KCNJ15: variants seen among roughly 807,000 people sequenced by gnomAD.
KCNJ15 encodes ATP-sensitive inward rectifier potassium channel 15.
In KCNJ15, 14 loss-of-function variants were observed where a neutral mutation model predicts 23.0. The observed-to-expected ratio is 0.61, with a 90% confidence interval of 0.40 to 0.95. KCNJ15 has a LOEUF of 0.95. Ranked by LOEUF, KCNJ15 falls within the 40% of genes least tolerant of loss-of-function variation. The pLI is 0.00. For missense variants in KCNJ15, 388 were observed against 461.8 expected, an observed-to-expected ratio of 0.84 and a Z score of 1.46; for synonymous variants, 185 against 183.2, an observed-to-expected ratio of 1.01 and a Z score of -0.08.
At chr21:38,284,422 G>A (rs959236829) in intron 1 of KCNJ15, among the ~76,000 whole-genome samples, 5 of 152,068 alleles carry the variant, frequency 3.3e-5, no homozygotes, top group Admixed American at 1.3e-4. Context: ...TGTTGGAGAC[G>A]CCTGTTGACT....
rs2146360801 is a variant in KCNJ15, at chr21:38,303,525, C to A, written c.*3136C>A. 6.6e-6 allele frequency: 1 copy of A among 152,092 alleles called. No homozygotes were observed. The highest frequency in any genetic ancestry group is 2.0e-4 in the East Asian group (1 of 5,118). The allele number at this position is 152,092 out of a possible 1,614,324, so 9.4% of individuals were successfully genotyped here. On this transcript the variant is annotated 3_prime_UTR_variant, in exon 3 of 3. Transcript: ENST00000398938. Reference sequence around the variant, plus strand: ...GACAGCAAAGCACTGAGTCACCCAACCCCACTCCTTTGGGATGGGGTTGGG... The same window carrying A: ...GACAGCAAAGCACTGAGTCACCCAAACCCACTCCTTTGGGATGGGGTTGGG...
At chr21:38,234,847 C>G (rs2186344) in intron 1 of KCNJ15, among the ~76,000 whole-genome samples, 2 of 151,942 alleles carry the variant, frequency 1.3e-5, no homozygotes, top group Non-Finnish European at 2.9e-5. Flanking sequence ...TTCAGCATCC[C>G]GAGTCAGACA....
chr21:38,274,548 G>T (rs907858226), intron 1 of KCNJ15, among the ~76,000 whole-genome samples: 4 of 152,180 alleles, frequency 2.6e-5, no homozygotes, highest in African/African-American at 9.7e-5. Flanking sequence ...CCTGTGTCTA[G>T]TATAGTCAAA....
chr21:38,303,715 A>T lies in KCNJ15; in HGVS notation c.*3326A>T, dbSNP rs557879407. The T allele has an allele frequency of 2.0e-5, 3 of 152,332 alleles. No homozygotes were observed. Among genetic ancestry groups the T allele is most frequent in the African/African-American group, 7.2e-5 (3 of 41,570 alleles). The allele number at this position is 152,332 out of a possible 1,614,324, so 9.4% of individuals were successfully genotyped here. On this transcript the variant is annotated 3_prime_UTR_variant, in exon 3 of 3. Transcript: ENST00000398938. ...TTTGTTGGATTTTTATTTGAATTAA[A>T]TTTCCCAATTTTTAATAGACTGTGA...
At chr21:38,280,964 C>T (rs2836280) in intron 1 of KCNJ15, among the ~76,000 whole-genome samples, 100,062 of 152,056 alleles carry the variant, frequency 0.66, 33,644 homozygotes, top group Non-Finnish European at 0.73. Context: ...GGTTCAGTAC[C>T]GTGTTGTCCA....
chr21:38,238,527 C>A, intron 1 of KCNJ15: 2 of 639,214 alleles, frequency 3.1e-6, no homozygotes, highest in Non-Finnish European at 3.0e-6. Context: ...CCATCTCCGG[C>A]AATGCCACCG....
rs181686610 is a variant in KCNJ15 at position 38,300,574 on chromosome 21, C to T, written c.*185C>T. The T allele has an allele frequency of 1.6e-5, 9 of 567,676 alleles. No homozygotes were observed. The Admixed American group carries it at 3.2e-4, about 20-fold the overall frequency. The allele number at this position is 567,676 out of a possible 1,614,324, so 35.2% of individuals were successfully genotyped here. A position where few individuals can be genotyped will look rare whatever the true frequency, so the allele number is the denominator to read the frequency against. On this transcript the variant is annotated 3_prime_UTR_variant, in exon 3 of 3. Transcript: ENST00000398938. ...CAGCATTTCTGTGTTTGAGAGATTT[C>T]CTGTTAGGTGCTTCGTCTGAAAGTG...
intron 1 of KCNJ15, among the ~76,000 whole-genome samples, chr21:38,239,431 A>G (rs1441942934): frequency 6.6e-6 from 1 of 152,208 alleles, no homozygotes; most frequent in Non-Finnish European, 1.5e-5. Context: ...ATCTGAGCAC[A>G]TGCGTTCTGC....
At chr21:38,237,586 G>A (rs1200912732) in intron 1 of KCNJ15, among the ~76,000 whole-genome samples, 1 of 152,202 alleles carries the variant, frequency 6.6e-6, no homozygotes, top group Admixed American at 6.5e-5. Flanking sequence ...GTTAGCACAG[G>A]AGTGCAGGAT....
rs757973215 is a variant in KCNJ15 at position 38,280,145 on chromosome 21, G to A, written c.-116-16781G>A. Among the ~76,000 whole-genome samples the A allele has an allele frequency of 3.3e-5, 5 of 152,208 alleles. No individual in the cohort carries two copies. In the East Asian group the frequency reaches 7.7e-4, roughly 24 times the overall value. On this transcript the variant is annotated intron_variant, in intron 1 of 2. Coordinates refer to ENST00000398938, the MANE Select transcript of KCNJ15 (RefSeq NM_170736.3). ...GCCACATTGTGTTTCTGTGGACTGC[G>A]GACTAGTTTCAGAGGAAGCACCTGT... is the stretch of plus-strand genomic sequence containing the variant.
At chr21:38,238,328 G>A (rs916715198) in intron 1 of KCNJ15, 41 of 716,064 alleles carry the variant, frequency 5.7e-5, no homozygotes, top group Middle Eastern at 2.8e-4. Flanking sequence ...TCCTGCCTTC[G>A]GAGGGTACTC....
At chr21:38,250,515 T>A (rs1979752489) in intron 1 of KCNJ15, among the ~76,000 whole-genome samples, 1 of 152,154 alleles carries the variant, frequency 6.6e-6, no homozygotes, top group Non-Finnish European at 1.5e-5. Context: ...TGATCTATGC[T>A]CAGGAATTGA....
intron 1 of KCNJ15, among the ~76,000 whole-genome samples, chr21:38,281,452 A>G (rs1983333835): frequency 1.3e-5 from 2 of 152,030 alleles, no homozygotes; most frequent in African/African-American, 2.4e-5. Context: ...TGCAGTGTCT[A>G]TTGTTCCCAT....
At chr21:38,277,972 A>G (rs61544021) in intron 1 of KCNJ15, among the ~76,000 whole-genome samples, 9,554 of 152,260 alleles carry the variant, frequency 0.063, 801 homozygotes, top group African/African-American at 0.19. Flanking sequence ...GACATGGCCC[A>G]ACCCCTGCCC....
At chr21:38,261,082 G>A (rs1017830802) in intron 1 of KCNJ15, among the ~76,000 whole-genome samples, 1 of 139,974 alleles carries the variant, frequency 7.1e-6, no homozygotes, top group African/African-American at 2.7e-5. Flanking sequence ...AGGGAACACT[G>A]CAGGGGAGGA....
At chr21:38,231,065 C>A (rs1013328748) in intron 1 of KCNJ15, among the ~76,000 whole-genome samples, 11 of 151,940 alleles carry the variant, frequency 7.2e-5, no homozygotes, top group Admixed American at 7.2e-4. Context: ...GGATGTCTTT[C>A]CCTTTATTTT....
rs1985979015 is a variant in KCNJ15 at position 38,304,639 on chromosome 21, A to G, written c.*4250A>G. ...CTAAATGGTTAACTGCATACACTTTACCCTTTGTAAACTTCAATTTATCTT... is the reference window on the plus strand; with the variant it reads ...CTAAATGGTTAACTGCATACACTTTGCCCTTTGTAAACTTCAATTTATCTT... On this transcript the variant is annotated 3_prime_UTR_variant, in exon 3 of 3. Transcript: ENST00000398938. 9.1e-6 allele frequency: 1 copy of G among 110,330 alleles called. No homozygotes were observed. The highest frequency in any genetic ancestry group is 2.7e-4 in the East Asian group (1 of 3,730). The allele number at this position is 110,330 out of a possible 1,614,324, so 6.8% of individuals were successfully genotyped here.
At chr21:38,258,611 G>C (rs746368855) in intron 1 of KCNJ15, among the ~76,000 whole-genome samples, 1 of 152,210 alleles carries the variant, frequency 6.6e-6, no homozygotes, top group Non-Finnish European at 1.5e-5. Flanking sequence ...ATCAAATAAC[G>C]GAACAGACCT....
Position 38,300,362 on chromosome 21 carries a change from A to G in KCNJ15, c.1101A>G (p.Thr367=). Residue 367 remains threonine (T), a synonymous_variant, in exon 3 of 3, where the codon ACA becomes ACG. Coordinates refer to ENST00000398938, the MANE Select transcript of KCNJ15 (RefSeq NM_170736.3). ...QEDQRERELR[T]LLLQQSNV The stretch of plus-strand genomic sequence containing the variant: ...ATCAGAGGGAAAGAGAACTGAGGAC[A>G]CTTTTATTACAACAGAGCAATGTCT... 2.5e-6 allele frequency: 4 copies of G among 1,612,616 alleles called. No homozygotes were observed. Among genetic ancestry groups the G allele is most frequent in the Non-Finnish European group, 3.4e-6 (4 of 1,179,126 alleles).
Sources: allele counts gnomAD v4.1 joint callset (sites outside exome capture counted in the v4.1 genomes callset), GRCh38; gene constraint gnomAD v4.1.1; transcripts MANE v1.5; gene names NCBI Gene and HGNC (gene_info 2026-07-23, HGNC 2026-07-21).